The following TP53BP1 variants were observed in gnomAD, a reference collection of about 807,000 sequenced individuals.
TP53BP1 encodes TP53-binding protein 1.
TP53BP1 carries 61 observed loss-of-function variants against 200.8 expected under a neutral mutation model. That is an observed-to-expected ratio of 0.30 (90% confidence interval 0.25 to 0.38). TP53BP1 has a LOEUF of 0.38. TP53BP1 is among the 10% of genes least tolerant of loss of function. TP53BP1 has a pLI of 1.00. For missense variants in TP53BP1, 2,144 were observed against 2,371.9 expected (o/e 0.90, Z 2.00); for synonymous variants, 822 against 844.3 (o/e 0.97, Z 0.46).
chr15:43,494,213 T>G (rs1349810181), upstream of TP53BP1, among the ~76,000 whole-genome samples: 1 of 152,192 alleles, frequency 6.6e-6, no homozygotes, highest in Non-Finnish European at 1.5e-5. Flanking sequence ...AGGCATTCAA[T>G]ATGAGGCAGT....
chr15:43,469,821 A>G (rs1390396569), intron 11 of TP53BP1, 37 bp downstream of exon 11: 1 of 1,539,594 alleles, frequency 6.5e-7, no homozygotes, highest in Middle Eastern at 1.7e-4. Context: ...CTTTAAAAAA[A>G]TATGTTAGGA....
In TP53BP1 at chr15:43,421,868, G is replaced by C; in HGVS notation, c.4087C>G (p.Pro1363Ala). ...CCCTGTCTGCACCTCAGTTTTCCTG[G>C]GCCTCCTCGGGAGCTGGGTAAGGCA... ...DFALPSSRGG[P>A]GKLSPRKGVS... Residue 1363 changes from proline to alanine, a missense_variant, in exon 19 of 28, where the codon CCA (proline) becomes GCA (alanine). Coordinates refer to ENST00000382044, the MANE Select transcript of TP53BP1 (RefSeq NM_001141980.3). 6.2e-7 allele frequency: 1 copy of C among 1,614,094 alleles called. No homozygotes were observed. The highest frequency in any genetic ancestry group is 1.1e-5 in the South Asian group (1 of 91,072).
At chr15:43,488,297 CAA>C (rs779360693) in intron 4 of TP53BP1, among the ~76,000 whole-genome samples, 23 of 101,712 alleles carry the variant, frequency 2.3e-4, no homozygotes, top group Admixed American at 2.1e-4. Context: ...GGCCCTGTCT[CAA>C]AAAAAAAAAA....
chr15:43,423,652 C>T (rs1257930009), intron 18 of TP53BP1, among the ~76,000 whole-genome samples: 2 of 143,314 alleles, frequency 1.4e-5, no homozygotes, highest in African/African-American at 5.6e-5. Context: ...AGTGAGACTC[C>T]ACCTCAAAAA....
chr15:43,430,156 T>C (rs1172106399), intron 17 of TP53BP1, among the ~76,000 whole-genome samples: 5 of 152,230 alleles, frequency 3.3e-5, no homozygotes, highest in African/African-American at 1.2e-4. Flanking sequence ...AAAATGAAAA[T>C]AAAACCACAC....
At position 43,407,267 on chromosome 15, in the gene TP53BP1, A is replaced by AAAAC. The variant is rs2044932771; in HGVS notation, c.*112_*115dup. 1.4e-5 allele frequency: 12 copies of AAAAC among 837,020 alleles called. No individual in the cohort carries two copies. Among genetic ancestry groups the AAAAC allele is most frequent in the Non-Finnish European group, 2.1e-5 (11 of 533,458 alleles). 51.8% of individuals were successfully genotyped at this position (837,020 alleles called of 1,614,324 possible). A position where few individuals can be genotyped will look rare whatever the true frequency, so the allele number is the denominator to read the frequency against. On this transcript the variant is annotated 3_prime_UTR_variant, in exon 28 of 28. Transcript: ENST00000382044. ...ATTTTATCATAAAAGTTCAGCAAAT[A>AAAAC]AAACTATATACAAGATCCATGCAAG...
Position 43,403,799 on chromosome 15 carries a change from G to A in TP53BP1, c.*3584C>T. 1 of 1,611,594 alleles carries A rather than the reference G, an allele frequency of 6.2e-7. No individual in the cohort carries two copies. The highest frequency in any genetic ancestry group is 8.5e-7 in the Non-Finnish European group (1 of 1,177,768). Reference sequence around the variant, plus strand: ...CCGCCCAGCTGAGCATTCTCGTGAAGGTGCGTCTGCCTGGAAGTATGCAGC... The same window carrying A: ...CCGCCCAGCTGAGCATTCTCGTGAAAGTGCGTCTGCCTGGAAGTATGCAGC... On this transcript the variant is annotated 3_prime_UTR_variant, in exon 28 of 28. Coordinates refer to ENST00000382044, the MANE Select transcript of TP53BP1 (RefSeq NM_001141980.3).
At chr15:43,435,027 A>G (rs1176054927) in intron 16 of TP53BP1, among the ~76,000 whole-genome samples, 1 of 152,092 alleles carries the variant, frequency 6.6e-6, no homozygotes, top group Non-Finnish European at 1.5e-5. Context: ...TTGGGAAGCC[A>G]AGACGGGTGG....
At chr15:43,452,153 T>A (rs1021064261) in intron 12 of TP53BP1, among the ~76,000 whole-genome samples, 5 of 151,036 alleles carry the variant, frequency 3.3e-5, no homozygotes, top group Non-Finnish European at 5.9e-5. Flanking sequence ...AAAAATAAAA[T>A]TAGTCTCTCA....
At chr15:43,496,900 C>T (rs1199070664), upstream of TP53BP1, among the ~76,000 whole-genome samples, 1 of 152,148 alleles carries the variant, frequency 6.6e-6, no homozygotes, top group Non-Finnish European at 1.5e-5. Flanking sequence ...GGATTACAGG[C>T]ATGAGCCATA....
At chr15:43,422,206 G>C in intron 18 of TP53BP1, 80 bp from the exon 19 acceptor site, 1 of 1,453,322 alleles carries the variant, frequency 6.9e-7, no homozygotes, top group Non-Finnish European at 9.3e-7. Flanking sequence ...AAATCCTACA[G>C]ATGGCACAAA....
At chr15:43,479,111 T>C (rs1159825845) in intron 7 of TP53BP1, among the ~76,000 whole-genome samples, 2 of 152,100 alleles carry the variant, frequency 1.3e-5, no homozygotes, top group Non-Finnish European at 2.9e-5. Flanking sequence ...ATAAGATTAG[T>C]AGTCAAGTGT....
At chr15:43,481,415 G>A (rs2078963390) in intron 4 of TP53BP1, among the ~76,000 whole-genome samples, 1 of 150,788 alleles carries the variant, frequency 6.6e-6, no homozygotes, top group Non-Finnish European at 1.5e-5. Context: ...TAGAACCACA[G>A]AGTCCAAACA....
intron 23 of TP53BP1, among the ~76,000 whole-genome samples, chr15:43,415,062 G>C (rs910119927): frequency 1.3e-5 from 2 of 152,086 alleles, no homozygotes; most frequent in East Asian, 3.9e-4. Context: ...AGAGAGAGGG[G>C]AGCAGAATTT....
intron 14 of TP53BP1, among the ~76,000 whole-genome samples, chr15:43,442,235 G>A (rs1041885348): frequency 6.6e-5 from 10 of 151,812 alleles, no homozygotes; most frequent in African/African-American, 1.2e-4. Context: ...ACAGGTGCCC[G>A]CCACCACGCC....
At chr15:43,467,547 G>C (rs571557158) in intron 11 of TP53BP1, among the ~76,000 whole-genome samples, 25 of 152,086 alleles carry the variant, frequency 1.6e-4, no homozygotes, top group Admixed American at 9.8e-4. Context: ...TAATTCTGAA[G>C]GTCTTTGGTA....
At chr15:43,426,078 CAAAA>C (rs1241408671) in intron 18 of TP53BP1, among the ~76,000 whole-genome samples, 6 of 141,948 alleles carry the variant, frequency 4.2e-5, no homozygotes, top group Non-Finnish European at 7.6e-5. Flanking sequence ...AAAAAAAAAA[CAAAA>C]AATATTTTTA....
chr15:43,447,488 G>GAAAAAAAAAAAAA lies in TP53BP1; in HGVS notation c.2717-16_2717-4dup. 5 of 954,466 alleles carry GAAAAAAAAAAAAA rather than the reference G, an allele frequency of 5.2e-6. No homozygotes were observed. The South Asian group carries it at 1.4e-4, about 28-fold the overall frequency. 59.1% of individuals were successfully genotyped at this position (954,466 alleles called of 1,614,324 possible). ...CAAAGTGAAATGAAATGGGGTTTCT[G>GAAAAAAAAAAAAA]AAAAAAAAAAAAAAAAGAAAAAAGA... is the stretch of plus-strand genomic sequence containing the variant. On this transcript the variant is annotated splice_region_variant and splice_polypyrimidine_tract_variant and intron_variant, in intron 12 of 27. Transcript: ENST00000382044.
intron 11 of TP53BP1, among the ~76,000 whole-genome samples, chr15:43,467,559 A>G (rs1475329116): frequency 6.6e-6 from 1 of 152,122 alleles, no homozygotes. Flanking sequence ...TCTTTGGTAA[A>G]TGTTGAAAAT....
Sources: allele counts gnomAD v4.1 joint callset (sites outside exome capture counted in the v4.1 genomes callset), GRCh38; gene constraint gnomAD v4.1.1; transcripts MANE v1.5; gene names NCBI Gene and HGNC (gene_info 2026-07-23, HGNC 2026-07-21).